The following ITIH6 variants were observed in gnomAD, a reference collection of about 807,000 sequenced individuals.
ITIH6 encodes the protein inter-alpha-trypsin inhibitor heavy chain H6.
A neutral mutation model predicts 58.2 loss-of-function variants in ITIH6; 60 were observed. That is an observed-to-expected ratio of 1.03 (90% CI 0.84 to 1.28). The LOEUF is 1.28. Among genes scored for constraint, ITIH6 ranks in the 50% most tolerant of loss-of-function variants. The pLI is 0.00. For missense variants in ITIH6, 1,290 were observed against 1,021.1 expected (o/e 1.26, Z -3.59); for synonymous variants, 493 against 417.4 (o/e 1.18, Z -2.21).
At chrX:54,791,170 C>T in intron 3 of ITIH6, 86 bp from the exon 4 acceptor site, 5 of 1,012,112 alleles carry the variant, frequency 4.9e-6, no homozygotes, top group Admixed American at 2.7e-5. Flanking sequence ...TTTGCTCCCC[C>T]CAACCCTGGT....
intron 10 of ITIH6, 34 bp downstream of exon 10, chrX:54,753,896 T>C: frequency 8.4e-7 from 1 of 1,194,609 alleles, no homozygotes; most frequent in Non-Finnish European, 1.1e-6. Context: ...TGCCCTGTAC[T>C]CAAACAGGGG....
chrX:54,788,893 T>A (rs1325231912), intron 4 of ITIH6, among the ~76,000 whole-genome samples: 1 of 112,122 alleles, frequency 8.9e-6, no homozygotes, highest in African/African-American at 3.2e-5. Context: ...GGCCATCAGC[T>A]CCCAGGCCCT....
rs1323389827 is a variant in ITIH6, at chrX:54,758,292, G to A, written c.1782C>T (p.Asn594=). The change falls in exon 8 of 13, where the codon AAC becomes AAT. Residue 594 remains asparagine, a synonymous_variant. Coordinates refer to ENST00000218436, the MANE Select transcript of ITIH6 (RefSeq NM_198510.3). ...TGACAAAGTTGTATTCAAGGGACAG[G>A]TTGAGGACTTTGGCAGCCAGCAGGT... ...TRHLLAAKVL[N]LSLEYNFVTP... 8.3e-7 allele frequency: 1 copy of A among 1,211,643 alleles called. No individual in the cohort carries two copies.
chrX:54,758,026 C>A lies in ITIH6; in HGVS notation c.2048G>T (p.Ser683Ile). The A allele has an allele frequency of 3.3e-6, 4 of 1,211,610 alleles. No individual in the cohort carries two copies. The highest frequency in any genetic ancestry group is 4.5e-6 in the Non-Finnish European group (4 of 895,295). Residue 683 changes from serine (S) to isoleucine (I), a missense_variant, in exon 8 of 13, where the codon AGT (serine) becomes ATT (isoleucine). Physicochemically the swap from Ser to Ile is moderately radical, Grantham distance 142. Coordinates refer to ENST00000218436, the MANE Select transcript of ITIH6 (RefSeq NM_198510.3). ...TTTASTKKMLSSKELEPLGES... is the reference protein window; with the variant it reads ...TTTASTKKMLISKELEPLGES... ...TCCCAATGGCTCCAGCTCTTTGGAA[C>A]TTAGCATCTTCTTGGTAGAGGCAGT...
In ITIH6 at chrX:54,774,885, C is replaced by A. The variant is rs372593198; in HGVS notation, c.787-688G>T. 7.1e-5 allele frequency among the ~76,000 whole-genome samples: 8 copies of A among 111,958 alleles called. No individual in the cohort carries two copies. In the South Asian group the frequency reaches 3.0e-3, roughly 42 times the overall value. On this transcript the variant is annotated intron_variant, in intron 5 of 12. Coordinates refer to ENST00000218436, the MANE Select transcript of ITIH6 (RefSeq NM_198510.3). ...GGGGAGGGGGGCTGGGAGGGCCCCTCAGGACCAGTCTCAGCTCAGCTCAGG... is the reference window on the plus strand; with the variant it reads ...GGGGAGGGGGGCTGGGAGGGCCCCTAAGGACCAGTCTCAGCTCAGCTCAGG...
chrX:54,767,566 G>C (rs1218069010), intron 6 of ITIH6, among the ~76,000 whole-genome samples: 3 of 91,130 alleles, frequency 3.3e-5, no homozygotes, highest in African/African-American at 4.4e-5. Context: ...CTTTGAATGC[G>C]TCCCAGAGAT....
chrX:54,796,122 C>T (rs1929436511), intron 2 of ITIH6, among the ~76,000 whole-genome samples: 1 of 111,598 alleles, frequency 9.0e-6, no homozygotes, highest in African/African-American at 3.3e-5. Flanking sequence ...ACTTCAGCCT[C>T]ATGAAGCTCT....
chrX:54,788,493 A>G lies in ITIH6; in HGVS notation c.773T>C (p.Ile258Thr), dbSNP rs755045880. The change falls in exon 5 of 13, where the codon ATT becomes ACT. Residue 258 changes from isoleucine to threonine, a missense_variant. Physicochemically the swap from Ile to Thr is moderately conservative, Grantham distance 89 (BLOSUM62 -1). Transcript: ENST00000218436. The stretch of plus-strand genomic sequence containing the variant: ...AGGCCCCCTCACCTGCACGTCTCCA[A>G]TGATGTCCTCCATGACCACATCGTA... ...VQYDVVMEDI[I>T]GDVQIYDDYF... 1.1e-4 allele frequency: 138 copies of G among 1,208,515 alleles called. No individual in the cohort carries two copies. The highest frequency in any genetic ancestry group is 6.3e-4 in the Admixed American group (29 of 45,774).
chrX:54,794,834 G>A lies in ITIH6; in HGVS notation c.257+2108C>T, dbSNP rs1023304745. ...ATAGTCCCTCTACCCAAATCCAGGG[G>A]CCTTTTTGTAATTCACACTAAAGTG... On this transcript the variant is annotated intron_variant, in intron 2 of 12. Coordinates refer to ENST00000218436, the MANE Select transcript of ITIH6 (RefSeq NM_198510.3). 1.8e-4 allele frequency among the ~76,000 whole-genome samples: 20 copies of A among 111,307 alleles called. No individual in the cohort carries two copies. The Admixed American group carries it at 1.8e-3, about 10-fold the overall frequency.
chrX:54,761,812 C>A (rs1377008450), intron 6 of ITIH6, among the ~76,000 whole-genome samples: 10 of 111,770 alleles, frequency 8.9e-5, no homozygotes, highest in African/African-American at 2.9e-4. Flanking sequence ...TGTTTTGGTA[C>A]CAGTACCATG....
chrX:54,753,506 G>T, intron 11 of ITIH6, 145 bp downstream of exon 11: 4 of 425,027 alleles, frequency 9.4e-6, no homozygotes, highest in Admixed American at 8.0e-5. Context: ...GTTTTTTTGT[G>T]TGTCTTGGTG....
chrX:54,771,299 CCTT>C lies in ITIH6; in HGVS notation c.903+2779_903+2781del, dbSNP rs1312231373. Among the ~76,000 whole-genome samples the C allele has an allele frequency of 2.7e-5, 3 of 111,964 alleles. No individual in the cohort carries two copies. In the Admixed American group the frequency reaches 2.8e-4, roughly 11 times the overall value. ...TTCTGTTCCTTTCTCTCTTTCTTCT[CCTT>C]CTATTATTTCCATGATGCATATGTA... On this transcript the variant is annotated intron_variant, in intron 6 of 12. Transcript: ENST00000218436.
Position 54,751,102 on chromosome X carries a change from G to A in ITIH6, c.3631C>T (p.Arg1211Ter), listed in dbSNP as rs769942710. The change falls in exon 12 of 13, where the codon CGA (arginine) becomes TGA (stop). Residue 1211 changes from arginine to a stop codon, truncating the protein, a stop_gained. Coordinates refer to ENST00000218436, the MANE Select transcript of ITIH6 (RefSeq NM_198510.3). LOFTEE classifies it high-confidence loss of function. ...LGPYLEFLVLRHRYRHPSTLQ... is the reference protein window; with the variant it reads ...LGPYLEFLVL ...GTACTGGGATGCCTGTAGCGGTGTC[G>A]GAGGACTAGGAACTCAAGGTAGGGC... 22 of 1,204,898 alleles carry A rather than the reference G, an allele frequency of 1.8e-5. No individual in the cohort carries two copies. The highest frequency in any genetic ancestry group is 6.0e-5 in the East Asian group (2 of 33,612).
At chrX:54,772,384 T>C (rs1928970019) in intron 6 of ITIH6, among the ~76,000 whole-genome samples, 1 of 111,775 alleles carries the variant, frequency 8.9e-6, no homozygotes, top group African/African-American at 3.3e-5. Context: ...GATTGAAAAA[T>C]GATGTATTAC....
intron 6 of ITIH6, among the ~76,000 whole-genome samples, chrX:54,770,327 A>G (rs1352731416): frequency 8.9e-6 from 1 of 112,350 alleles, no homozygotes. Context: ...AAATGCAGAA[A>G]TCACCCGTCT....
chrX:54,770,528 C>T (rs756260068), intron 6 of ITIH6, among the ~76,000 whole-genome samples: 2 of 112,643 alleles, frequency 1.8e-5, no homozygotes, highest in Non-Finnish European at 3.8e-5. Context: ...AAAATTTTAG[C>T]AGTTCCCTTA....
intron 8 of ITIH6, 41 bp downstream of exon 8, chrX:54,756,924 A>G: frequency 1.1e-6 from 1 of 908,438 alleles, no homozygotes; most frequent in Non-Finnish European, 1.5e-6. Context: ...GTCCATTCAT[A>G]CCTCACCCTC....
In ITIH6 at chrX:54,751,229, G is replaced by T; in HGVS notation, c.3504C>A (p.Gly1168=). 1.2e-5 allele frequency: 15 copies of T among 1,211,623 alleles called. 1 individual carries two copies. Among genetic ancestry groups the T allele is most frequent in the Non-Finnish European group, 1.6e-5 (14 of 895,393 alleles). The change falls in exon 12 of 13, where the codon GGC becomes GGA. Residue 1168 remains glycine, a synonymous_variant. Coordinates refer to ENST00000218436, the MANE Select transcript of ITIH6 (RefSeq NM_198510.3). The stretch of plus-strand genomic sequence containing the variant: ...CCCAGGACAGGCGCAAGGTACCCTC[G>T]CCTCGCAAAGATATAGAACTGCGGC... ...TISRSSISLR[G]EGTLRLSWDQ... is the part of the protein sequence containing the mutation.
chrX:54,768,757 C>T (rs1928865991), intron 6 of ITIH6, among the ~76,000 whole-genome samples: 1 of 102,808 alleles, frequency 9.7e-6, no homozygotes. Flanking sequence ...CGCTGTTAGT[C>T]TGATGGGCTT....
Sources: gnomAD v4.1 joint callset for allele counts (sites outside exome capture counted in the v4.1 genomes callset) on GRCh38, gnomAD v4.1.1 for gene constraint, MANE v1.5 for transcripts, NCBI Gene and HGNC (gene_info 2026-07-23, HGNC 2026-07-21) for gene names.